The following BAZ1A variants were observed in gnomAD, a reference collection of about 807,000 sequenced individuals.
BAZ1A encodes the protein bromodomain adjacent to zinc finger domain 1A.
Under a neutral mutation model 185.2 loss-of-function variants are expected in BAZ1A, and 50 were observed. The observed-to-expected ratio is 0.27, with a 90% CI of 0.22 to 0.34. BAZ1A has a LOEUF of 0.34. BAZ1A is among the 10% of genes least tolerant of loss of function. The pLI, the probability that BAZ1A is intolerant of heterozygous loss-of-function variation, is 1.00. For synonymous variants in BAZ1A, 571 were observed against 615.6 expected (o/e 0.93, Z 1.07); for missense variants, 1,356 against 1,839.9 (o/e 0.74, Z 4.81).
chr14:34,862,009 A>T, intron 3 of BAZ1A, 35 bp downstream of exon 3: 2 of 1,597,898 alleles, frequency 1.3e-6, no homozygotes, highest in Non-Finnish European at 1.7e-6. Flanking sequence ...ATGTGAATAT[A>T]AACTTACCAA....
chr14:34,874,581 C>T lies in BAZ1A; in HGVS notation c.24G>A (p.Pro8=), dbSNP rs201008475. 28 of 1,611,022 alleles carry T rather than the reference C, an allele frequency of 1.7e-5. No individual in the cohort carries two copies. The highest frequency in any genetic ancestry group is 2.4e-5 in the Non-Finnish European group (28 of 1,178,806). Residue 8 remains proline (P), a synonymous_variant, in exon 2 of 27, where the codon CCG becomes CCA. Coordinates refer to ENST00000360310, the MANE Select transcript of BAZ1A (RefSeq NM_013448.3). This position sits in a 1 kb window ranked among gnomAD's most constrained non-coding sequence, Gnocchi z 4.7. MPLLHRK[P]FVRQKPPADL... is the part of the protein sequence containing the mutation. ...CCGCGGGCGGCTTCTGTCTCACAAACGGCTTTCGGTGTAGCAGCGGCATCT... is the reference window on the plus strand; with the variant it reads ...CCGCGGGCGGCTTCTGTCTCACAAATGGCTTTCGGTGTAGCAGCGGCATCT...
At chr14:34,855,790 C>T (rs1594906071) in intron 3 of BAZ1A, among the ~76,000 whole-genome samples, 1 of 152,196 alleles carries the variant, frequency 6.6e-6, no homozygotes, top group East Asian at 1.9e-4. Context: ...GTCCCAGCTA[C>T]TCAGGAGGAG....
intron 3 of BAZ1A, among the ~76,000 whole-genome samples, chr14:34,857,732 G>C (rs11156865): frequency 0.6 from 91,929 of 151,956 alleles, 27,909 homozygotes; most frequent in South Asian, 0.68. Context: ...GCTTGACCTC[G>C]TTTCAATCAT....
At chr14:34,807,872 G>A (rs770394666) in intron 5 of BAZ1A, among the ~76,000 whole-genome samples, 9 of 152,040 alleles carry the variant, frequency 5.9e-5, no homozygotes, top group Non-Finnish European at 1.2e-4. Flanking sequence ...TTGCGAGGCC[G>A]AGGCGGGTGG....
intron 4 of BAZ1A, among the ~76,000 whole-genome samples, chr14:34,812,519 C>T (rs2041944669): frequency 6.6e-6 from 1 of 152,042 alleles, no homozygotes; most frequent in African/African-American, 2.4e-5. Flanking sequence ...AAAAGACACT[C>T]TGGGGAAGAC....
rs772643379 is a variant in BAZ1A, at chr14:34,753,260, T to G, written c.*248A>C. ...GGACACATGAATGATCTCAAAAATG[T>G]ACAAAAACCTCTGTAAACCAGTACT... On this transcript the variant is annotated 3_prime_UTR_variant, in exon 27 of 27. Coordinates refer to ENST00000360310, the MANE Select transcript of BAZ1A (RefSeq NM_013448.3). 2.0e-5 allele frequency: 8 copies of G among 404,292 alleles called. No individual in the cohort carries two copies. The highest frequency in any genetic ancestry group is 3.1e-5 in the Non-Finnish European group (7 of 226,038). The allele number at this position is 404,292 out of a possible 1,614,324, so 25.0% of individuals were successfully genotyped here.
At chr14:34,785,740 T>C (rs757441605) in intron 14 of BAZ1A, 37 bp downstream of exon 14, 10 of 1,577,892 alleles carry the variant, frequency 6.3e-6, no homozygotes, top group South Asian at 1.1e-5. Context: ...AGGGAGGAAG[T>C]GGGCAGGTTA....
intron 25 of BAZ1A, among the ~76,000 whole-genome samples, chr14:34,756,290 T>C (rs963477685): frequency 2.7e-4 from 41 of 150,952 alleles, no homozygotes; most frequent in African/African-American, 8.5e-4. Context: ...ATTTTTTGTG[T>C]TTTTTTAGTA....
intron 16 of BAZ1A, among the ~76,000 whole-genome samples, chr14:34,782,125 T>A (rs548918587): frequency 1.3e-5 from 2 of 152,332 alleles, no homozygotes; most frequent in African/African-American, 2.4e-5. Flanking sequence ...ACAAATGGTT[T>A]AATTGTTTGA....
chr14:34,868,894 ATGTATGTGTGTGTGTGTG>A lies in BAZ1A; in HGVS notation c.113+5580_113+5597del, dbSNP rs779224685. On this transcript the variant is annotated intron_variant, in intron 2 of 26. Transcript: ENST00000360310. The stretch of plus-strand genomic sequence containing the variant: ...ACTCATTCTCTCTATGTATGTAAGT[ATGTATGTGTGTGTGTGTG>A]TGTGTGTGTGTGTGTATAATACATG... Among the ~76,000 whole-genome samples, 186 of 71,130 alleles carry A rather than the reference ATGTATGTGTGTGTGTGTG, an allele frequency of 2.6e-3. 5 individuals are homozygous for A. In the South Asian group the frequency reaches 0.076, roughly 29 times the overall value. 46.7% of individuals were successfully genotyped at this position (71,130 alleles called of 152,430 possible).
chr14:34,761,976 G>T lies in BAZ1A; in HGVS notation c.4024C>A (p.Pro1342Thr). 6.2e-7 allele frequency: 1 copy of T among 1,614,142 alleles called. No individual in the cohort carries two copies. Among genetic ancestry groups the T allele is most frequent in the Non-Finnish European group, 8.5e-7 (1 of 1,180,024 alleles). ...ASRSTRHSHG[P>T]LQADVFVELL... ...TCCACAAATACATCTGCTTGCAGTG[G>T]GCCATGACTGTGGCGAGTAGAACGA... Residue 1342 changes from proline to threonine, a missense_variant, in exon 24 of 27, where the codon CCA (proline) becomes ACA (threonine). Transcript: ENST00000360310.
rs1880398174 is a variant in BAZ1A, at chr14:34,785,759, C to T, written c.1831+18G>A. 1 of 1,610,156 alleles carries T rather than the reference C, an allele frequency of 6.2e-7. No homozygotes were observed. Among genetic ancestry groups the T allele is most frequent in the Admixed American group, 1.7e-5 (1 of 59,986 alleles). Reference sequence around the variant, plus strand: ...AGGAAGTGGGCAGGTTATGCAAATTCCAACTTGCAAAGCTTACCTGGTGTC... The same window carrying T: ...AGGAAGTGGGCAGGTTATGCAAATTTCAACTTGCAAAGCTTACCTGGTGTC... On this transcript the variant is annotated intron_variant, in intron 14 of 26. Transcript: ENST00000360310.
At chr14:34,765,770 T>C (rs1878799077) in intron 21 of BAZ1A, among the ~76,000 whole-genome samples, 1 of 152,160 alleles carries the variant, frequency 6.6e-6, no homozygotes, top group South Asian at 2.1e-4. Context: ...AATATTTATA[T>C]AGAAACATTT....
At chr14:34,817,386 G>A (rs60293526) in intron 4 of BAZ1A, among the ~76,000 whole-genome samples, 9,783 of 152,232 alleles carry the variant, frequency 0.064, 362 homozygotes, top group South Asian at 0.14. Flanking sequence ...CCAAGAGTTT[G>A]AGACCAGCCT....
At chr14:34,838,921 C>T (rs1002171325) in intron 3 of BAZ1A, among the ~76,000 whole-genome samples, 1 of 152,080 alleles carries the variant, frequency 6.6e-6, no homozygotes, top group Non-Finnish European at 1.5e-5. Context: ...AAAATATTAA[C>T]TCCAATTAAA....
chr14:34,842,759 T>C (rs2042436709), intron 3 of BAZ1A, among the ~76,000 whole-genome samples: 1 of 152,202 alleles, frequency 6.6e-6, no homozygotes, highest in South Asian at 2.1e-4. Context: ...CTGGTTCTGA[T>C]ACTGCCTGTG....
At position 34,838,549 on chromosome 14, in the gene BAZ1A, T is replaced by G. The variant is rs181108868; in HGVS notation, c.393-12393A>C. On this transcript the variant is annotated intron_variant, in intron 3 of 26. Transcript: ENST00000360310. Reference sequence around the variant, plus strand: ...TTTCTTTTTTTTTTTGGAGACAGAGTCTCCCTCTGTTACCCAGGCTGGAGT... The same window carrying G: ...TTTCTTTTTTTTTTTGGAGACAGAGGCTCCCTCTGTTACCCAGGCTGGAGT... Among the ~76,000 whole-genome samples the G allele has an allele frequency of 4.7e-5, 7 of 149,794 alleles. No homozygotes were observed. In the Admixed American group the frequency reaches 4.7e-4, roughly 10 times the overall value.
intron 3 of BAZ1A, among the ~76,000 whole-genome samples, chr14:34,844,205 CAAAAAAAAAAAAAAA>C (rs71121227): frequency 0.025 from 2,707 of 109,880 alleles, 45 homozygotes; most frequent in South Asian, 0.048. Context: ...GACTCCGTCT[CAAAAAAAAAAAAAAA>C]AAAAAAAAAA....
chr14:34,816,081 T>A (rs941045117), intron 4 of BAZ1A, among the ~76,000 whole-genome samples: 1 of 8,552 alleles, frequency 1.2e-4, no homozygotes, highest in Non-Finnish European at 7.4e-4. Context: ...ATTCCAGACC[T>A]TTTTTTTTTT....
Sources: allele counts gnomAD v4.1 joint callset (sites outside exome capture counted in the v4.1 genomes callset), GRCh38; gene constraint gnomAD v4.1.1; non-coding constraint Gnocchi (gnomAD v3.1); transcripts MANE v1.5; gene names NCBI Gene and HGNC (gene_info 2026-07-23, HGNC 2026-07-21).